Variants in MYO18B observed in about 807,000 individuals in gnomAD.
The protein encoded by MYO18B is myosin XVIIIB.
In MYO18B, 204 loss-of-function variants were observed where a neutral mutation model predicts 273.0. That is an observed-to-expected ratio of 0.75 (90% confidence interval 0.67 to 0.84). The LOEUF (loss-of-function observed/expected upper bound fraction) is 0.84, where lower values mean the gene tolerates loss of function less well. Among genes scored for constraint, MYO18B ranks in the 40% least tolerant of loss-of-function variants. MYO18B has a pLI of 0.00. For missense variants in MYO18B, 3,212 were observed against 3,287.6 expected, an observed-to-expected ratio of 0.98 and a Z score of 0.56; for synonymous variants, 1,330 against 1,305.7, an observed-to-expected ratio of 1.02 and a Z score of -0.40.
chr22:25,953,014 T>C lies in MYO18B; in HGVS notation c.5970+591T>C, dbSNP rs75723576. ...AGAGAGGGCTGTGATGTTTAGAGGA[T>C]AGAGATCTTTTCAAGACTCTGGAAT... On this transcript the variant is annotated intron_variant, in intron 38 of 43. Coordinates refer to ENST00000335473, the MANE Select transcript of MYO18B (RefSeq NM_032608.7). Among the ~76,000 whole-genome samples the C allele has an allele frequency of 7.0e-3, 1,068 of 152,352 alleles. 27 individuals carry two copies. In the East Asian group the frequency reaches 0.092, roughly 13 times the overall value.
intron 1 of MYO18B, among the ~76,000 whole-genome samples, chr22:25,753,773 G>C (rs893491337): frequency 6.6e-6 from 1 of 152,118 alleles, no homozygotes; most frequent in Non-Finnish European, 1.5e-5. Flanking sequence ...CAGTGAGACC[G>C]CGAACCCATG....
At chr22:25,760,880 C>G (rs143665710) in intron 1 of MYO18B, 104 bp from the exon 2 acceptor site, 3 of 609,788 alleles carry the variant, frequency 4.9e-6, no homozygotes, top group Non-Finnish European at 8.9e-6. Context: ...TGCCCATTCC[C>G]CCATGTGGTC....
chr22:25,804,891 A>G (rs16980773), intron 12 of MYO18B, among the ~76,000 whole-genome samples: 5,225 of 152,298 alleles, frequency 0.034, 246 homozygotes, highest in African/African-American at 0.11. Context: ...GGCATCACCC[A>G]TAGACCCCTA....
chr22:25,937,745 C>G (rs1282095129), intron 34 of MYO18B, among the ~76,000 whole-genome samples: 1 of 152,098 alleles, frequency 6.6e-6, no homozygotes, highest in Non-Finnish European at 1.5e-5. Context: ...ACCACCGCGC[C>G]TGGCTGATTT....
intron 29 of MYO18B, 59 bp downstream of exon 29, chr22:25,898,520 G>T (rs1472276779): frequency 1.3e-6 from 2 of 1,573,270 alleles, no homozygotes; most frequent in South Asian, 1.2e-5. Flanking sequence ...TGGAGCTGGC[G>T]TTTTCTGGGG....
chr22:25,981,161 G>A (rs1263829596), intron 39 of MYO18B, among the ~76,000 whole-genome samples: 1 of 152,206 alleles, frequency 6.6e-6, no homozygotes, highest in Non-Finnish European at 1.5e-5. Context: ...TACCTCTGTA[G>A]AGACCTTATC....
chr22:25,848,204 G>A (rs1025380153), intron 20 of MYO18B, among the ~76,000 whole-genome samples: 1 of 152,174 alleles, frequency 6.6e-6, no homozygotes, highest in Non-Finnish European at 1.5e-5. Flanking sequence ...ACGATGCTCA[G>A]TTTGGTTTGG....
intron 23 of MYO18B, among the ~76,000 whole-genome samples, chr22:25,875,079 A>G (rs2091154020): frequency 1.3e-5 from 2 of 152,220 alleles, no homozygotes; most frequent in Non-Finnish European, 1.5e-5. Context: ...GAACTTGTAA[A>G]CTCAAGTATA....
At chr22:26,012,351 G>T (rs975192665) in intron 42 of MYO18B, among the ~76,000 whole-genome samples, 1 of 152,134 alleles carries the variant, frequency 6.6e-6, no homozygotes, top group South Asian at 2.1e-4. Flanking sequence ...TACTGGTCTC[G>T]GCATTCTTAG....
intron 26 of MYO18B, 82 bp from the exon 27 acceptor site, chr22:25,891,222 C>A: frequency 1.9e-6 from 2 of 1,071,040 alleles, no homozygotes; most frequent in Admixed American, 2.1e-5. Flanking sequence ...CCAATCCGAG[C>A]CTTGGAAGCA....
intron 34 of MYO18B, among the ~76,000 whole-genome samples, chr22:25,924,381 G>A (rs1475430234): frequency 2.0e-5 from 3 of 152,264 alleles, no homozygotes; most frequent in Non-Finnish European, 4.4e-5. Context: ...AGTACCTACT[G>A]TGTGTCAGGC....
chr22:25,774,931 G>A (rs1025778297), intron 7 of MYO18B, among the ~76,000 whole-genome samples: 5 of 152,260 alleles, frequency 3.3e-5, no homozygotes, highest in East Asian at 1.9e-4. Flanking sequence ...CAACTGTTGC[G>A]TGCATGTGCC....
intron 32 of MYO18B, among the ~76,000 whole-genome samples, chr22:25,908,979 G>A (rs1250077119): frequency 6.6e-6 from 1 of 152,178 alleles, no homozygotes; most frequent in Non-Finnish European, 1.5e-5. Flanking sequence ...TCTGAAGCCT[G>A]TTGTCTCTGC....
At chr22:25,839,425 C>T (rs2090017410) in intron 17 of MYO18B, among the ~76,000 whole-genome samples, 1 of 152,190 alleles carries the variant, frequency 6.6e-6, no homozygotes, top group South Asian at 2.1e-4. Context: ...CCCCTCCACA[C>T]AGGCTGGGGT....
chr22:25,838,148 TAC>T (rs79287954), intron 17 of MYO18B, among the ~76,000 whole-genome samples: 47,894 of 150,364 alleles, frequency 0.32, 8,299 homozygotes, highest in East Asian at 0.67. Flanking sequence ...TATTAAATTA[TAC>T]ACACACACAA....
chr22:25,909,538 T>G (rs2092114902), intron 32 of MYO18B, among the ~76,000 whole-genome samples: 1 of 152,198 alleles, frequency 6.6e-6, no homozygotes, highest in African/African-American at 2.4e-5. Context: ...AATCTCTCAG[T>G]CCCTGCCCAT....
chr22:26,000,847 G>A (rs1933889636), intron 40 of MYO18B, among the ~76,000 whole-genome samples: 1 of 152,170 alleles, frequency 6.6e-6, no homozygotes, highest in African/African-American at 2.4e-5. Context: ...CAGCTGGTGG[G>A]TCTTGACTTC....
At chr22:26,009,898 C>T (rs1041330935) in intron 42 of MYO18B, among the ~76,000 whole-genome samples, 2 of 152,140 alleles carry the variant, frequency 1.3e-5, no homozygotes, top group Admixed American at 1.3e-4. Context: ...TCTTTATATT[C>T]TCCCAAGTTT....
chr22:25,781,609 C>CGAA, intron 9 of MYO18B, 125 bp from the exon 10 acceptor site: 1 of 275,480 alleles, frequency 3.6e-6, no homozygotes, highest in South Asian at 1.1e-4. Flanking sequence ...GACTCCGTCT[C>CGAA]AAAAAAAAAA....
Sources: allele counts gnomAD v4.1 joint callset (sites outside exome capture counted in the v4.1 genomes callset), GRCh38; gene constraint gnomAD v4.1.1; transcripts MANE v1.5; gene names NCBI Gene and HGNC (gene_info 2026-07-23, HGNC 2026-07-21).